Variants in CASK observed in about 807,000 individuals in gnomAD.
The protein encoded by CASK is calcium/calmodulin dependent serine protein kinase.
Under a neutral mutation model 82.9 loss-of-function variants are expected in CASK, and 4 were observed. That is an observed-to-expected ratio of 0.05 (90% CI 0.02 to 0.11). CASK has a LOEUF of 0.11. Ranked by LOEUF, CASK falls within the 10% of genes least tolerant of loss-of-function variation. CASK has a pLI of 1.00. For missense variants in CASK, 358 were observed against 720.9 expected, an observed-to-expected ratio of 0.50 and a Z score of 5.76; for synonymous variants, 259 against 253.5, an observed-to-expected ratio of 1.02 and a Z score of -0.20.
At position 41,727,540 on chromosome X, in the gene CASK, G is replaced by A. The variant is rs779382322; in HGVS notation, c.429+11844C>T. 3.9e-5 allele frequency: 47 copies of A among 1,205,214 alleles called. No individual in the cohort carries two copies. The highest frequency in any genetic ancestry group is 2.7e-4 in the East Asian group (9 of 33,762). On this transcript the variant is annotated intron_variant, in intron 5 of 26. Coordinates refer to ENST00000378163, the MANE Select transcript of CASK (RefSeq NM_001367721.1). ...ACTGGGCATAATCATTCCAGTTACC[G>A]TATACTACTCAGTCATAGAGGCTAC...
intron 11 of CASK, among the ~76,000 whole-genome samples, chrX:41,610,304 C>G (rs982701118): frequency 8.9e-6 from 1 of 111,974 alleles, no homozygotes; most frequent in African/African-American, 3.2e-5. Flanking sequence ...CAAGTATAAC[C>G]TAAGCACTAG....
intron 1 of CASK, among the ~76,000 whole-genome samples, chrX:41,864,705 T>C (rs909044771): frequency 8.0e-5 from 9 of 112,050 alleles, no homozygotes. Context: ...TAGTAAAGGA[T>C]GGAAAAGATT....
chrX:41,919,704 T>A (rs1009488077), intron 1 of CASK, among the ~76,000 whole-genome samples: 1 of 112,283 alleles, frequency 8.9e-6, no homozygotes, highest in African/African-American at 3.2e-5. Context: ...TAAAAGATAG[T>A]TACATAGAAA....
chrX:41,725,357 G>A (rs1449746516), intron 5 of CASK, among the ~76,000 whole-genome samples: 2 of 111,330 alleles, frequency 1.8e-5, no homozygotes, highest in African/African-American at 6.5e-5. Context: ...AATTCTGAAG[G>A]GGGTAGAGAG....
chrX:41,809,433 A>G (rs1214460935), intron 2 of CASK, among the ~76,000 whole-genome samples: 2 of 112,287 alleles, frequency 1.8e-5, no homozygotes, highest in Non-Finnish European at 3.8e-5. Context: ...CTGTTCAGCA[A>G]TATTCGCTGT....
rs1371507187 is a variant in CASK at position 41,546,846 on chromosome X, A to T, written c.2040-4040T>A. The stretch of plus-strand genomic sequence containing the variant: ...TTGTAACACTAAAACTTTCAAACAC[A>T]TACAAGGATATAGTGTAATGAAACC... On this transcript the variant is annotated intron_variant, in intron 21 of 26. Coordinates refer to ENST00000378163, the MANE Select transcript of CASK (RefSeq NM_001367721.1). Among the ~76,000 whole-genome samples the T allele has an allele frequency of 1.2e-4, 14 of 112,187 alleles. No homozygotes were observed. In the Admixed American group the frequency reaches 1.3e-3, roughly 11 times the overall value.
chrX:41,540,680 G>A (rs1474249949), intron 22 of CASK, among the ~76,000 whole-genome samples: 1 of 112,200 alleles, frequency 8.9e-6, no homozygotes, highest in Non-Finnish European at 1.9e-5. Context: ...ACCATCTAAC[G>A]GGAATCAGAG....
At position 41,519,356 on chromosome X, in the gene CASK, T is replaced by A. The variant is rs2064603443; in HGVS notation, c.*1064A>T. 1 of 112,102 alleles carries A rather than the reference T, an allele frequency of 8.9e-6. No homozygotes were observed. Among genetic ancestry groups the A allele is most frequent in the African/African-American group, 3.2e-5 (1 of 30,819 alleles). The allele number at this position is 112,102 out of a possible 1,213,427, so 9.2% of individuals were successfully genotyped here. A position where few individuals can be genotyped will look rare whatever the true frequency, so the allele number is the denominator to read the frequency against. ...GCAAATGCCTAAACTGGTTTCTTCATTGCACAGTATTTTCTCTTAAAATGG... is the reference window on the plus strand; with the variant it reads ...GCAAATGCCTAAACTGGTTTCTTCAATGCACAGTATTTTCTCTTAAAATGG... On this transcript the variant is annotated 3_prime_UTR_variant, in exon 27 of 27. Coordinates refer to ENST00000378163, the MANE Select transcript of CASK (RefSeq NM_001367721.1).
chrX:41,647,630 G>C (rs2066782359), intron 8 of CASK, among the ~76,000 whole-genome samples: 1 of 111,900 alleles, frequency 8.9e-6, no homozygotes. Context: ...GAGAGATGTT[G>C]CAGGAAGTCA....
intron 1 of CASK, among the ~76,000 whole-genome samples, chrX:41,881,518 T>C (rs929240486): frequency 9.0e-6 from 1 of 111,335 alleles, no homozygotes; most frequent in Non-Finnish European, 1.9e-5. Flanking sequence ...GGACAGCTTC[T>C]ATATTATTCA....
rs182531302 is a variant in CASK at position 41,615,044 on chromosome X, G to A, written c.1034-5019C>T. ...TGGTCTTGGACTCCTGAGCTAAAGC[G>A]ATCCTTCTGCCTTGAGCTCCCAAAG... On this transcript the variant is annotated intron_variant, in intron 11 of 26. Transcript: ENST00000378163. Among the ~76,000 whole-genome samples, 260 of 111,134 alleles carry A rather than the reference G, an allele frequency of 2.3e-3. 1 individual carries two copies. Among genetic ancestry groups the A allele is most frequent in the African/African-American group, 8.3e-3 (254 of 30,501 alleles).
chrX:41,618,359 G>T (rs1210532837), intron 11 of CASK, among the ~76,000 whole-genome samples: 2 of 111,479 alleles, frequency 1.8e-5, no homozygotes, highest in Non-Finnish European at 3.8e-5. Context: ...GAGTGTAGTG[G>T]CGTGATCCTG....
chrX:41,862,409 T>C (rs1386002769), intron 1 of CASK, among the ~76,000 whole-genome samples: 1 of 109,151 alleles, frequency 9.2e-6, no homozygotes, highest in Non-Finnish European at 1.9e-5. Flanking sequence ...GGCATGGTGG[T>C]GCATGCCTGT....
chrX:41,587,357 T>G (rs918076261), intron 13 of CASK: 4 of 131,585 alleles, frequency 3.0e-5, no homozygotes, highest in Non-Finnish European at 6.1e-5. Context: ...AATAAGAAGT[T>G]TTCTTTTATA....
At chrX:41,899,941 G>C (rs756125966) in intron 1 of CASK, among the ~76,000 whole-genome samples, 1 of 111,131 alleles carries the variant, frequency 9.0e-6, no homozygotes, top group East Asian at 2.8e-4. Context: ...TTGTAAAGTA[G>C]GTCTAGTGGG....
intron 2 of CASK, among the ~76,000 whole-genome samples, chrX:41,833,032 T>C (rs1176981596): frequency 8.9e-6 from 1 of 112,170 alleles, no homozygotes; most frequent in African/African-American, 3.2e-5. Context: ...AGAAGAGTGT[T>C]GCGTTGTCCG....
At chrX:41,704,262 A>G (rs1204663485) in intron 5 of CASK, among the ~76,000 whole-genome samples, 3 of 112,079 alleles carry the variant, frequency 2.7e-5, no homozygotes, top group Non-Finnish European at 5.6e-5. Flanking sequence ...TGAAATAAAC[A>G]CTGGCACTTA....
intron 5 of CASK, among the ~76,000 whole-genome samples, chrX:41,687,815 G>A (rs748728398): frequency 5.6e-5 from 6 of 108,002 alleles, no homozygotes; most frequent in Admixed American, 4.0e-4. Context: ...AAAATTAGCC[G>A]GGCATGGTGG....
At chrX:41,686,545 T>C (rs1235167007) in intron 5 of CASK, among the ~76,000 whole-genome samples, 1 of 110,662 alleles carries the variant, frequency 9.0e-6, no homozygotes, top group Admixed American at 9.6e-5. Context: ...GCTAAGAACA[T>C]ACATTTCTAA....
Sources: gnomAD v4.1 joint callset for allele counts (sites outside exome capture counted in the v4.1 genomes callset) on GRCh38, gnomAD v4.1.1 for gene constraint, MANE v1.5 for transcripts, NCBI Gene and HGNC (gene_info 2026-07-23, HGNC 2026-07-21) for gene names.